Variants in CNTNAP3B observed in about 807,000 individuals in gnomAD.
The protein encoded by CNTNAP3B is contactin associated protein family member 3B, also known as contactin-associated protein-like 3B.
Under a neutral mutation model 108.9 loss-of-function variants are expected in CNTNAP3B, and 25 were observed. The ratio of observed to expected loss-of-function variants is 0.23; its 90% CI spans 0.17 to 0.32. CNTNAP3B has a LOEUF of 0.32. CNTNAP3B is among the 10% of genes least tolerant of loss of function. The pLI is 1.00. For synonymous variants in CNTNAP3B, 103 were observed against 473.4 expected (o/e 0.22, Z 10.16); for missense variants, 252 against 1,210.4 (o/e 0.21, Z 11.75).
chr9:42,116,914 A>C (rs1430641573), intron 1 of CNTNAP3B, among the ~76,000 whole-genome samples: 1 of 139,050 alleles, frequency 7.2e-6, no homozygotes, highest in East Asian at 2.2e-4. Flanking sequence ...AACAAAGATC[A>C]AAAGAGACAA....
At chr9:41,964,686 C>T in intron 10 of CNTNAP3B, 42 bp from the exon 11 acceptor site, 1 of 1,532,738 alleles carries the variant, frequency 6.5e-7, no homozygotes, top group African/African-American at 1.4e-5. Context: ...CTTTTTCAAT[C>T]ATCAAAAAAT....
At position 42,124,899 on chromosome 9, in the gene CNTNAP3B, C is replaced by T. The variant is rs1339953786; in HGVS notation, c.85+4111G>A. 5.8e-5 allele frequency among the ~76,000 whole-genome samples: 8 copies of T among 138,300 alleles called. 4 individuals carry two copies. Among genetic ancestry groups the T allele is most frequent in the Non-Finnish European group, 6.2e-5 (4 of 64,750 alleles). 90.7% of individuals were successfully genotyped at this position (138,300 alleles called of 152,430 possible). A position where few individuals can be genotyped will look rare whatever the true frequency, so the allele number is the denominator to read the frequency against. On this transcript the variant is annotated intron_variant, in intron 1 of 23. Transcript: ENST00000377561. ...TTTCAGCCTCTTTATTTTTAATCTACATCTCTTAGGTAAAATGCATCAATT... is the reference window on the plus strand; with the variant it reads ...TTTCAGCCTCTTTATTTTTAATCTATATCTCTTAGGTAAAATGCATCAATT...
At chr9:41,948,706 A>G (rs1176033885) in intron 13 of CNTNAP3B, among the ~76,000 whole-genome samples, 31 of 149,378 alleles carry the variant, frequency 2.1e-4, no homozygotes, top group African/African-American at 7.1e-4. Flanking sequence ...CAGACAAAAG[A>G]AGAAATATAA....
At chr9:41,966,101 G>T (rs1243745288) in intron 10 of CNTNAP3B, among the ~76,000 whole-genome samples, 1 of 152,288 alleles carries the variant, frequency 6.6e-6, no homozygotes, top group Non-Finnish European at 1.5e-5. Flanking sequence ...GGGGGAGCTG[G>T]AGCGACAGGC....
chr9:41,934,126 C>CACACACATATATATATAT (rs1824074842), intron 14 of CNTNAP3B, among the ~76,000 whole-genome samples: 17 of 22,296 alleles, frequency 7.6e-4, no homozygotes, highest in African/African-American at 1.8e-3. Flanking sequence ...TATATATACA[C>CACACACATATATATATAT]ACACATATAT....
rs1001894073 is a variant in CNTNAP3B at position 42,116,330 on chromosome 9, A to G, written c.86-11591T>C. Among the ~76,000 whole-genome samples, 12 of 129,938 alleles carry G rather than the reference A, an allele frequency of 9.2e-5. 3 individuals are homozygous for G. The Admixed American group carries it at 9.3e-4, about 10-fold the overall frequency. 85.2% of individuals were successfully genotyped at this position (129,938 alleles called of 152,430 possible). A position where few individuals can be genotyped will look rare whatever the true frequency, so the allele number is the denominator to read the frequency against. ...TCAGACTAACAGCGGATCTCTCGGC[A>G]GAAACTCTACAAGCCAGAAGAGAGT... On this transcript the variant is annotated intron_variant, in intron 1 of 23. Coordinates refer to ENST00000377561, the MANE Select transcript of CNTNAP3B (RefSeq NM_001201380.3).
intron 1 of CNTNAP3B, among the ~76,000 whole-genome samples, chr9:42,124,109 G>A (rs1227372142): frequency 7.2e-6 from 1 of 138,324 alleles, no homozygotes; most frequent in Non-Finnish European, 1.5e-5. Flanking sequence ...AATTAAGTAG[G>A]CATGCTACTT....
rs758043750 is a variant in CNTNAP3B, at chr9:41,953,399, G to A, written c.1877-13C>T. 1.6e-5 allele frequency: 25 copies of A among 1,535,528 alleles called. No individual in the cohort carries two copies. Among genetic ancestry groups the A allele is most frequent in the East Asian group, 1.2e-4 (5 of 41,582 alleles). On this transcript the variant is annotated splice_polypyrimidine_tract_variant and intron_variant, in intron 12 of 23. Transcript: ENST00000377561. ...CACGCGGAGTCTGCTGAGCAGAAAC[G>A]GGCAAAGGAGAGGCATCACTGGGCG...
At chr9:42,119,998 T>C (rs976405835) in intron 1 of CNTNAP3B, among the ~76,000 whole-genome samples, 1 of 146,060 alleles carries the variant, frequency 6.8e-6, no homozygotes, top group South Asian at 2.2e-4. Context: ...ACTAAAGAGC[T>C]TCTACAGAGC....
intron 10 of CNTNAP3B, among the ~76,000 whole-genome samples, chr9:41,966,367 A>G (rs1159918747): frequency 1.3e-5 from 2 of 152,308 alleles, no homozygotes; most frequent in South Asian, 4.1e-4. Flanking sequence ...GAGACTATCA[A>G]CATGTATACA....
chr9:42,036,144 A>C (rs902786352), intron 3 of CNTNAP3B, among the ~76,000 whole-genome samples: 3 of 149,394 alleles, frequency 2.0e-5, no homozygotes, highest in Admixed American at 1.3e-4. Context: ...GACCTCAAGC[A>C]CTCTTCCCAT....
chr9:42,120,319 A>G (rs1397063498), intron 1 of CNTNAP3B, among the ~76,000 whole-genome samples: 1 of 142,922 alleles, frequency 7.0e-6, no homozygotes, highest in African/African-American at 2.7e-5. Flanking sequence ...AAAGTCAGGA[A>G]ACAACAGGTG....
chr9:41,964,042 C>T (rs1453037506), intron 11 of CNTNAP3B, among the ~76,000 whole-genome samples: 8 of 152,248 alleles, frequency 5.3e-5, no homozygotes, highest in Non-Finnish European at 1.0e-4. Context: ...AGCTGATATC[C>T]CATTACCTCT....
intron 3 of CNTNAP3B, among the ~76,000 whole-genome samples, chr9:42,034,186 G>GTATGTATCTATCTATCTATC (rs1554751811): frequency 2.4e-5 from 3 of 124,270 alleles, no homozygotes; most frequent in Admixed American, 8.2e-5. Context: ...ATGTATATAT[G>GTATGTATCTATCTATCTATC]TATCTATCTA....
At chr9:41,977,231 C>T (rs1825536111) in intron 9 of CNTNAP3B, among the ~76,000 whole-genome samples, 1 of 151,128 alleles carries the variant, frequency 6.6e-6, no homozygotes, top group African/African-American at 2.5e-5. Flanking sequence ...GAATTTAAAC[C>T]CTAAAGGTGA....
intron 1 of CNTNAP3B, among the ~76,000 whole-genome samples, chr9:42,122,425 T>TGAC (rs1828483623): frequency 1.5e-5 from 2 of 135,638 alleles, no homozygotes; most frequent in African/African-American, 5.9e-5. Context: ...GTAGGTTCTG[T>TGAC]GACAGCCTGT....
rs1828137083 is a variant in CNTNAP3B at position 42,109,028 on chromosome 9, GA to G, written c.86-4290del. On this transcript the variant is annotated intron_variant, in intron 1 of 23. Transcript: ENST00000377561. The stretch of plus-strand genomic sequence containing the variant: ...TATGAAATGATTAAAAAATCAATTT[GA>G]GGAATTGCCCTTACCTAAGACAGAG... Among the ~76,000 whole-genome samples, 2 of 138,958 alleles carry G rather than the reference GA, an allele frequency of 1.4e-5. 1 individual carries two copies. The highest frequency in any genetic ancestry group is 4.6e-4 in the South Asian group (2 of 4,314). 91.2% of individuals were successfully genotyped at this position (138,958 alleles called of 152,430 possible).
rs977941978 is a variant in CNTNAP3B, at chr9:42,037,574, T to C, written c.391-24049A>G. On this transcript the variant is annotated intron_variant, in intron 3 of 23. Coordinates refer to ENST00000377561, the MANE Select transcript of CNTNAP3B (RefSeq NM_001201380.3). ...ATGAAATGAAGCAAGAAGAGAAGTT[T>C]AGAGAAAAAAGAGTAAAAAGAAATG... Among the ~76,000 whole-genome samples, 166 of 121,342 alleles carry C rather than the reference T, an allele frequency of 1.4e-3. 9 individuals carry two copies. Among genetic ancestry groups the C allele is most frequent in the Non-Finnish European group, 2.4e-4 (14 of 59,256 alleles). 79.6% of individuals were successfully genotyped at this position (121,342 alleles called of 152,430 possible). A position where few individuals can be genotyped will look rare whatever the true frequency, so the allele number is the denominator to read the frequency against.
chr9:41,966,970 A>C (rs565777318), intron 10 of CNTNAP3B, among the ~76,000 whole-genome samples: 15 of 150,428 alleles, frequency 1.0e-4, no homozygotes, highest in African/African-American at 3.0e-4. Context: ...CTGTCTCAAA[A>C]AAACAAACAA....
Sources: gnomAD v4.1 joint callset for allele counts (sites outside exome capture counted in the v4.1 genomes callset) on GRCh38, gnomAD v4.1.1 for gene constraint, MANE v1.5 for transcripts, NCBI Gene and HGNC (gene_info 2026-07-23, HGNC 2026-07-21) for gene names.